ADGRA3: variants seen among roughly 807,000 people sequenced by gnomAD.
ADGRA3 encodes the protein G-protein coupled receptor 125.
ADGRA3 carries 56 observed loss-of-function variants against 119.8 expected under a neutral mutation model. That is an observed-to-expected ratio of 0.47 (90% CI 0.38 to 0.58). The LOEUF (loss-of-function observed/expected upper bound fraction) is 0.58. Ranked by LOEUF, ADGRA3 falls within the 20% of genes least tolerant of loss-of-function variation. ADGRA3 has a pLI of 0.00. For missense variants in ADGRA3, 1,516 were observed against 1,649.0 expected (o/e 0.92, Z 1.40); for synonymous variants, 607 against 623.8 (o/e 0.97, Z 0.40).
intron 16 of ADGRA3, among the ~76,000 whole-genome samples, chr4:22,399,087 T>C (rs1394800352): frequency 6.6e-6 from 1 of 152,210 alleles, no homozygotes; most frequent in East Asian, 1.9e-4. Flanking sequence ...TAACTAATTG[T>C]CTTCATTGGC....
At chr4:22,488,425 C>G (rs918056545) in intron 1 of ADGRA3, among the ~76,000 whole-genome samples, 1 of 152,118 alleles carries the variant, frequency 6.6e-6, no homozygotes, top group African/African-American at 2.4e-5. Context: ...CTGTGGAGAT[C>G]TGACATCATT....
At chr4:22,512,700 T>C (rs1719489462) in intron 1 of ADGRA3, among the ~76,000 whole-genome samples, 1 of 152,138 alleles carries the variant, frequency 6.6e-6, no homozygotes, top group Non-Finnish European at 1.5e-5. Context: ...AACCAGAAGA[T>C]GAGAGACGCA....
At chr4:22,468,585 G>A (rs61792039) in intron 2 of ADGRA3, among the ~76,000 whole-genome samples, 4,532 of 151,922 alleles carry the variant, frequency 0.03, 83 homozygotes, top group Middle Eastern at 0.065. Context: ...CCTGGCCAAC[G>A]TGGTGAAACC....
rs147879087 is a variant in ADGRA3, at chr4:22,401,260, G to A, written c.2481+171C>T. 5.2e-3 allele frequency among the ~76,000 whole-genome samples: 796 copies of A among 152,246 alleles called. 6 individuals carry two copies. The highest frequency in any genetic ancestry group is 6.6e-3 in the Non-Finnish European group (450 of 68,020). Reference sequence around the variant, plus strand: ...AAGTTATATATTCAGTTGCAAAATGGTAATTTAAAACAGGAAGTAAACTGG... The same window carrying A: ...AAGTTATATATTCAGTTGCAAAATGATAATTTAAAACAGGAAGTAAACTGG... On this transcript the variant is annotated intron_variant, in intron 16 of 18. Coordinates refer to ENST00000334304, the MANE Select transcript of ADGRA3 (RefSeq NM_145290.4).
intron 16 of ADGRA3, chr4:22,398,021 A>G: frequency 4.1e-6 from 4 of 964,308 alleles, no homozygotes; most frequent in Non-Finnish European, 4.9e-6. Flanking sequence ...AGCGACATGA[A>G]GAAGAGGAGA....
intron 1 of ADGRA3, among the ~76,000 whole-genome samples, chr4:22,491,913 G>A (rs968734654): frequency 2.6e-5 from 4 of 152,150 alleles, no homozygotes; most frequent in Non-Finnish European, 5.9e-5. Flanking sequence ...TCTTTCTGTT[G>A]GGGGAATAAC....
chr4:22,476,721 C>G (rs1718058159), intron 1 of ADGRA3, among the ~76,000 whole-genome samples: 1 of 151,296 alleles, frequency 6.6e-6, no homozygotes, highest in Admixed American at 6.6e-5. Flanking sequence ...GGTTGGAATA[C>G]AGTGGCACGA....
chr4:22,410,231 T>A (rs566310795), intron 14 of ADGRA3, among the ~76,000 whole-genome samples: 28 of 152,308 alleles, frequency 1.8e-4, no homozygotes, highest in African/African-American at 6.5e-4. Flanking sequence ...TCACCACTAG[T>A]GATTAAAGTA....
rs1354365749 is a variant in ADGRA3 at position 22,399,136 on chromosome 4, CAT to C, written c.2481+2293_2481+2294del. Among the ~76,000 whole-genome samples the C allele has an allele frequency of 5.9e-5, 9 of 152,182 alleles. No individual in the cohort carries two copies. In the East Asian group the frequency reaches 1.2e-3, roughly 20 times the overall value. On this transcript the variant is annotated intron_variant, in intron 16 of 18. Transcript: ENST00000334304. ...CCATGCTGTTGAACATTTCTGCACACATGTGCTGAACCCGTGTGTTCGCTCTT... is the reference window on the plus strand; with the variant it reads ...CCATGCTGTTGAACATTTCTGCACACGTGCTGAACCCGTGTGTTCGCTCTT...
intron 4 of ADGRA3, among the ~76,000 whole-genome samples, chr4:22,453,854 T>C (rs1717152876): frequency 6.6e-6 from 1 of 152,156 alleles, no homozygotes; most frequent in Admixed American, 6.5e-5. Flanking sequence ...TTATTACTTT[T>C]TTTTTTATTT....
intron 12 of ADGRA3, among the ~76,000 whole-genome samples, chr4:22,417,477 T>A (rs1715475921): frequency 6.6e-6 from 1 of 152,134 alleles, no homozygotes; most frequent in African/African-American, 2.4e-5. Flanking sequence ...CTTAATCCTC[T>A]CAACAACCCT....
At chr4:22,399,368 A>T (rs190934342) in intron 16 of ADGRA3, among the ~76,000 whole-genome samples, 481 of 151,606 alleles carry the variant, frequency 3.2e-3, no homozygotes, top group Non-Finnish European at 5.1e-3. Context: ...AGTCAAAATT[A>T]TTTTTTTTCT....
intron 14 of ADGRA3, among the ~76,000 whole-genome samples, chr4:22,404,924 T>C (rs1012085753): frequency 2.0e-5 from 3 of 152,224 alleles, no homozygotes; most frequent in South Asian, 2.1e-4. Flanking sequence ...TAACTGAGGA[T>C]AAACTTTCAA....
At chr4:22,467,804 T>A (rs1717713590) in intron 2 of ADGRA3, among the ~76,000 whole-genome samples, 1 of 152,230 alleles carries the variant, frequency 6.6e-6, no homozygotes, top group Non-Finnish European at 1.5e-5. Flanking sequence ...AACAGGAGTC[T>A]GACTTCAGGA....
intron 2 of ADGRA3, among the ~76,000 whole-genome samples, chr4:22,463,580 G>A (rs962168235): frequency 2.6e-5 from 4 of 152,294 alleles, no homozygotes; most frequent in South Asian, 4.1e-4. Context: ...ACAGATTCAC[G>A]TGTTTTCTTC....
intron 1 of ADGRA3, among the ~76,000 whole-genome samples, chr4:22,490,577 C>T (rs1718588985): frequency 6.6e-6 from 1 of 151,996 alleles, no homozygotes; most frequent in African/African-American, 2.4e-5. Flanking sequence ...AAACAGACCT[C>T]AAAGACTAAT....
chr4:22,421,098 GTCAA>G lies in ADGRA3; in HGVS notation c.1606-13_1606-10del. 1 of 1,610,522 alleles carries G rather than the reference GTCAA, an allele frequency of 6.2e-7. No homozygotes were observed. Reference sequence around the variant, plus strand: ...GCAATATTGGGTGAATACTTGAAAAGTCAATCAAACAGGAGTTATGAACGATTTA... The same window carrying G: ...GCAATATTGGGTGAATACTTGAAAAGTCAAACAGGAGTTATGAACGATTTA... On this transcript the variant is annotated splice_polypyrimidine_tract_variant and intron_variant, in intron 11 of 18. Transcript: ENST00000334304.
At chr4:22,459,722 G>A (rs1301783994) in intron 3 of ADGRA3, among the ~76,000 whole-genome samples, 1 of 151,946 alleles carries the variant, frequency 6.6e-6, no homozygotes, top group Non-Finnish European at 1.5e-5. Flanking sequence ...ACAAGACACA[G>A]AGCCCACCAA....
At chr4:22,458,608 C>G (rs1717326694) in intron 3 of ADGRA3, among the ~76,000 whole-genome samples, 1 of 152,180 alleles carries the variant, frequency 6.6e-6, no homozygotes, top group Non-Finnish European at 1.5e-5. Context: ...TTGAACTGAA[C>G]TGACACCGAT....
Sources: allele counts gnomAD v4.1 joint callset (sites outside exome capture counted in the v4.1 genomes callset), GRCh38; gene constraint gnomAD v4.1.1; transcripts MANE v1.5; gene names NCBI Gene and HGNC (gene_info 2026-07-23, HGNC 2026-07-21).